The following AFDN variants were observed in gnomAD, a reference collection of about 807,000 sequenced individuals.
The protein encoded by AFDN is afadin, adherens junction formation factor.
Under a neutral mutation model 216.6 loss-of-function variants are expected in AFDN, and 68 were observed. The ratio of observed to expected loss-of-function variants is 0.31; its 90% CI spans 0.26 to 0.38. The LOEUF (loss-of-function observed/expected upper bound fraction) is 0.38, where lower values mean the gene tolerates loss of function less well. Ranked by LOEUF, AFDN falls within the 10% of genes least tolerant of loss-of-function variation. The pLI is 1.00. For missense variants in AFDN, 2,136 were observed against 2,342.0 expected (o/e 0.91, Z 1.82); for synonymous variants, 868 against 853.7 (o/e 1.02, Z -0.29).
intron 23 of AFDN, among the ~76,000 whole-genome samples, chr6:167,929,656 T>C (rs1793036206): frequency 6.6e-6 from 1 of 152,198 alleles, no homozygotes; most frequent in African/African-American, 2.4e-5. Context: ...CACTCTCCCA[T>C]GCATGGCTTT....
chr6:167,866,028 G>A (rs2128233102), intron 2 of AFDN, among the ~76,000 whole-genome samples: 1 of 151,994 alleles, frequency 6.6e-6, no homozygotes, highest in East Asian at 1.9e-4. Context: ...CTCAATTTTG[G>A]GTGATTTTTC....
At chr6:167,874,966 C>T (rs138860195) in intron 4 of AFDN, among the ~76,000 whole-genome samples, 139 of 152,190 alleles carry the variant, frequency 9.1e-4, no homozygotes, top group African/African-American at 3.3e-3. Flanking sequence ...GTATTCAGTC[C>T]TATATTTCTT....
chr6:167,889,078 G>T, intron 6 of AFDN, 137 bp from the exon 7 acceptor site: 1 of 568,964 alleles, frequency 1.8e-6, no homozygotes, highest in Non-Finnish European at 3.0e-6. Flanking sequence ...TTATTTTGAT[G>T]ATGAGTGAGA....
chr6:167,924,795 A>AATTCATC, intron 22 of AFDN: 1 of 572,924 alleles, frequency 1.7e-6, no homozygotes, highest in Non-Finnish European at 3.2e-6. Context: ...TTCATCTTTA[A>AATTCATC]GACTTGAGTC....
chr6:167,890,925 A>C lies in AFDN; in HGVS notation c.1073A>C (p.His358Pro), dbSNP rs764467066. The C allele has an allele frequency of 3.7e-6, 6 of 1,613,990 alleles. No homozygotes were observed. In the Admixed American group the frequency reaches 6.7e-5, roughly 18 times the overall value. ...CACATCCCAAAGAAAACCAAGAAACACTTGGAAGGCAAGACACCCAAGGGA... is the reference window on the plus strand; with the variant it reads ...CACATCCCAAAGAAAACCAAGAAACCCTTGGAAGGCAAGACACCCAAGGGA... ...PDHIPKKTKKHLEGKTPKGKE... is the reference protein window; with the variant it reads ...PDHIPKKTKKPLEGKTPKGKE... Residue 358 changes from histidine (H) to proline (P), a missense_variant, in exon 8 of 34, where the codon CAC becomes CCC. This residue lies in a region of AFDN where 817 missense variants were observed against 965.7 expected (regional missense o/e 0.85). Coordinates refer to ENST00000683244, the MANE Select transcript of AFDN (RefSeq NM_001386888.1).
chr6:167,947,392 G>A (rs904337945), intron 27 of AFDN, among the ~76,000 whole-genome samples: 3 of 152,120 alleles, frequency 2.0e-5, no homozygotes, highest in Non-Finnish European at 2.9e-5. Flanking sequence ...TGTTAGCCAG[G>A]ATGGTCTCGA....
At chr6:167,856,243 G>A (rs1022303542) in intron 1 of AFDN, among the ~76,000 whole-genome samples, 2 of 152,006 alleles carry the variant, frequency 1.3e-5, no homozygotes, top group African/African-American at 4.8e-5. Context: ...AACTGTTCTA[G>A]TTTATTATTG....
intron 2 of AFDN, among the ~76,000 whole-genome samples, chr6:167,867,395 A>ATTGTT (rs1305205090): frequency 7.0e-6 from 1 of 143,658 alleles, no homozygotes; most frequent in African/African-American, 2.6e-5. Context: ...TAGCATTTCT[A>ATTGTT]TTGTTTCTAT....
At chr6:167,862,671 G>A (rs1003292867) in intron 1 of AFDN, among the ~76,000 whole-genome samples, 32 of 152,314 alleles carry the variant, frequency 2.1e-4, no homozygotes, top group South Asian at 1.2e-3. Context: ...CACCGTGCCC[G>A]GCAGTTATAA....
chr6:167,965,448 A>AAGGAAAGC (rs1797446651), intron 31 of AFDN, among the ~76,000 whole-genome samples: 1 of 152,214 alleles, frequency 6.6e-6, no homozygotes, highest in African/African-American at 2.4e-5. Flanking sequence ...GGAAGGAAAG[A>AAGGAAAGC]AGGAAAGCAG....
In AFDN at chr6:167,827,214, T is replaced by C; in HGVS notation, c.82T>C (p.Phe28Leu). Residue 28 changes from phenylalanine to leucine, a missense_variant, in exon 1 of 34, where the codon TTC becomes CTC. This residue lies in a region of AFDN where 81 missense variants were observed against 51.2 expected (regional missense o/e 1.58). Coordinates refer to ENST00000683244, the MANE Select transcript of AFDN (RefSeq NM_001386888.1). ...HHWNANRLDLFEISQPTEDLE... is the reference protein window; with the variant it reads ...HHWNANRLDLLEISQPTEDLE... Reference sequence around the variant, plus strand: ...CTGGAACGCCAACCGGCTGGACCTGTTCGAGATCAGCCAGCCGACCGAGGT... The same window carrying C: ...CTGGAACGCCAACCGGCTGGACCTGCTCGAGATCAGCCAGCCGACCGAGGT... 8.0e-7 allele frequency: 1 copy of C among 1,250,260 alleles called. No homozygotes were observed. 77.4% of individuals were successfully genotyped at this position (1,250,260 alleles called of 1,614,324 possible). A position where few individuals can be genotyped will look rare whatever the true frequency, so the allele number is the denominator to read the frequency against.
upstream of AFDN, chr6:167,826,582 G>C (rs1779071295): frequency 3.8e-6 from 2 of 525,862 alleles, no homozygotes; most frequent in Non-Finnish European, 7.8e-6. Context: ...CCGCGCGTCC[G>C]GACCCAACAC....
chr6:167,953,795 A>G (rs2128702111), intron 30 of AFDN, among the ~76,000 whole-genome samples: 1 of 152,314 alleles, frequency 6.6e-6, no homozygotes, highest in East Asian at 1.9e-4. Flanking sequence ...TGGGTGCACT[A>G]AGATGGATTC....
intron 30 of AFDN, 98 bp downstream of exon 30, chr6:167,952,285 G>T (rs770857118): frequency 5.3e-5 from 84 of 1,586,632 alleles, no homozygotes; most frequent in Non-Finnish European, 6.8e-5. Flanking sequence ...TCGTGATAAG[G>T]ATTAAAAGGG....
intron 19 of AFDN, among the ~76,000 whole-genome samples, chr6:167,916,062 A>G (rs1791019328): frequency 6.6e-6 from 1 of 152,216 alleles, no homozygotes. Flanking sequence ...GTTGAAATCA[A>G]GATGTCAGCA....
chr6:167,914,136 C>T (rs781502691), intron 16 of AFDN, 32 bp from the exon 17 acceptor site: 2 of 1,610,054 alleles, frequency 1.2e-6, no homozygotes, highest in Admixed American at 3.4e-5. Flanking sequence ...TGTTTATTCT[C>T]TGTTGCTTAT....
At chr6:167,860,751 T>C (rs930119021) in intron 1 of AFDN, among the ~76,000 whole-genome samples, 3 of 152,148 alleles carry the variant, frequency 2.0e-5, no homozygotes, top group African/African-American at 7.2e-5. Context: ...TGGATGAGGT[T>C]GATTAGGCAC....
rs981906946 is a variant in AFDN, at chr6:167,971,283, T to C, written c.*1348T>C. ...CTTACACATACGTATGTTAGGAAAA[T>C]AGACACATTTTCAAAGAGAATGTTC... On this transcript the variant is annotated 3_prime_UTR_variant, in exon 34 of 34. Coordinates refer to ENST00000683244, the MANE Select transcript of AFDN (RefSeq NM_001386888.1). The C allele has an allele frequency of 7.3e-5, 16 of 218,292 alleles. No individual in the cohort carries two copies. Among genetic ancestry groups the C allele is most frequent in the African/African-American group, 3.6e-4 (16 of 44,506 alleles). 13.5% of individuals were successfully genotyped at this position (218,292 alleles called of 1,614,324 possible). A position where few individuals can be genotyped will look rare whatever the true frequency, so the allele number is the denominator to read the frequency against.
intron 15 of AFDN, among the ~76,000 whole-genome samples, chr6:167,912,779 T>C (rs1790567472): frequency 6.6e-6 from 1 of 152,198 alleles, no homozygotes; most frequent in Non-Finnish European, 1.5e-5. Context: ...ACAAGTCTTT[T>C]AAACTTCAGA....
Sources: allele counts gnomAD v4.1 joint callset (sites outside exome capture counted in the v4.1 genomes callset), GRCh38; gene constraint gnomAD v4.1.1; regional missense constraint gnomAD v4.1.1; transcripts MANE v1.5; gene names NCBI Gene and HGNC (gene_info 2026-07-23, HGNC 2026-07-21).